The following FGFR2 variants were observed in gnomAD, a reference collection of about 807,000 sequenced individuals.
FGFR2 encodes fibroblast growth factor receptor 2.
A neutral mutation model predicts 95.9 loss-of-function variants in FGFR2; 19 were observed. That is an observed-to-expected ratio of 0.20 (90% CI 0.14 to 0.29). The LOEUF (loss-of-function observed/expected upper bound fraction) is 0.29. Among genes scored for constraint, FGFR2 ranks in the 10% least tolerant of loss-of-function variants. The probability of loss-of-function intolerance (pLI) is 1.00; values close to 1 mark genes in which losing one functional copy is unlikely to be tolerated. For missense variants in FGFR2, 707 were observed against 1,056.9 expected (o/e 0.67, Z 4.59); for synonymous variants, 392 against 393.3 (o/e 1.00, Z 0.04).
chr10:121,493,301 G>A (rs140906856), intron 13 of FGFR2, among the ~76,000 whole-genome samples: 4 of 152,234 alleles, frequency 2.6e-5, no homozygotes, highest in African/African-American at 7.2e-5. Context: ...GTTCTTCCAC[G>A]ATTAAATGGA....
intron 6 of FGFR2, among the ~76,000 whole-genome samples, chr10:121,535,516 A>G (rs1304532456): frequency 2.0e-5 from 3 of 152,210 alleles, no homozygotes; most frequent in Non-Finnish European, 4.4e-5. Context: ...GGAAAGTGCA[A>G]TGAGTCATCC....
intron 5 of FGFR2, among the ~76,000 whole-genome samples, chr10:121,545,817 T>A (rs1371928229): frequency 6.6e-6 from 1 of 152,234 alleles, no homozygotes; most frequent in Admixed American, 6.5e-5. Flanking sequence ...ACAAAAGTTT[T>A]AAAAATCATC....
Position 121,506,215 on chromosome 10 carries a change from G to A in FGFR2, c.1288-2274C>T, listed in dbSNP as rs1380259373. On this transcript the variant is annotated intron_variant, in intron 9 of 17. Transcript: ENST00000358487. ...CTACTAAAAATAAAAAAAATGAGTCGGTTGTGGTGGTAGGCGCCTGTAATC... is the reference window on the plus strand; with the variant it reads ...CTACTAAAAATAAAAAAAATGAGTCAGTTGTGGTGGTAGGCGCCTGTAATC... Among the ~76,000 whole-genome samples the A allele has an allele frequency of 5.3e-5, 8 of 152,008 alleles. No homozygotes were observed. In the South Asian group the frequency reaches 1.3e-3, roughly 24 times the overall value.
chr10:121,578,508 G>A (rs919611351), intron 2 of FGFR2, among the ~76,000 whole-genome samples: 2 of 152,240 alleles, frequency 1.3e-5, no homozygotes, highest in Non-Finnish European at 2.9e-5. Flanking sequence ...CCACCCAAAA[G>A]GTGTACGGAG....
chr10:121,515,287 G>A lies in FGFR2; in HGVS notation c.1117C>T (p.Pro373Ser), dbSNP rs1458741036. The A allele has an allele frequency of 3.7e-6, 6 of 1,613,984 alleles. No individual in the cohort carries two copies. In the African/African-American group the frequency reaches 8.0e-5, roughly 22 times the overall value. Residue 373 changes from proline (P) to serine (S), a missense_variant, in exon 9 of 18, where the codon CCA becomes TCA. Pro to Ser is a moderately conservative substitution (Grantham distance 74, BLOSUM62 -1). This residue lies in a region of FGFR2 where 194 missense variants were observed against 267.3 expected (regional missense o/e 0.73). Coordinates refer to ENST00000358487, the MANE Select transcript of FGFR2 (RefSeq NM_000141.5). ...PGREKEITAS[P>S]DYLEIAIYCI... ...TAAATGGCTATCTCCAGGTAGTCTG[G>A]GGAAGCTGTAATCTCCTTTTCTCTT... is the stretch of plus-strand genomic sequence containing the variant.
chr10:121,592,449 A>G (rs1029303497), intron 2 of FGFR2, among the ~76,000 whole-genome samples: 1 of 152,256 alleles, frequency 6.6e-6, no homozygotes, highest in East Asian at 1.9e-4. Context: ...ACACCTGTTA[A>G]TTATAGAGCT....
intron 6 of FGFR2, chr10:121,526,096 T>C (rs577528399): frequency 2.5e-6 from 1 of 398,366 alleles, no homozygotes; most frequent in South Asian, 1.3e-4. Context: ...CCCATTCATG[T>C]AAGGAGCGTG....
Position 121,518,065 on chromosome 10 carries a change from TGG to T in FGFR2, c.940-604_940-603del. On this transcript the variant is annotated intron_variant, in intron 7 of 17. Coordinates refer to ENST00000358487, the MANE Select transcript of FGFR2 (RefSeq NM_000141.5). This position sits in a 1 kb window ranked among gnomAD's most constrained non-coding sequence, Gnocchi z 4.0. ...GCATCATCTTGGTAACCAAAAAAACTGGGCTTTTTCTCTTTTCATTAATAAAC... is the reference window on the plus strand; with the variant it reads ...GCATCATCTTGGTAACCAAAAAAACTGCTTTTTCTCTTTTCATTAATAAAC... 2.0e-6 allele frequency: 1 copy of T among 498,598 alleles called. No homozygotes were observed. The highest frequency in any genetic ancestry group is 3.9e-6 in the Non-Finnish European group (1 of 254,682). The allele number at this position is 498,598 out of a possible 1,614,324, so 30.9% of individuals were successfully genotyped here. A position where few individuals can be genotyped will look rare whatever the true frequency, so the allele number is the denominator to read the frequency against.
intron 2 of FGFR2, chr10:121,583,484 C>G (rs530177074): frequency 6.6e-6 from 1 of 152,206 alleles, no homozygotes; most frequent in South Asian, 2.1e-4. Context: ...GCAGCCTGGA[C>G]CACCAACTGG....
At chr10:121,522,300 A>G (rs1165222476) in intron 6 of FGFR2, among the ~76,000 whole-genome samples, 3 of 152,220 alleles carry the variant, frequency 2.0e-5, no homozygotes, top group African/African-American at 7.2e-5. Context: ...GCCTTTGAGC[A>G]TAATCCCAGA....
chr10:121,545,562 T>C (rs999346602), intron 5 of FGFR2, among the ~76,000 whole-genome samples: 1 of 152,164 alleles, frequency 6.6e-6, no homozygotes, highest in East Asian at 1.9e-4. Context: ...AACATATACC[T>C]GTGTCCTCAT....
intron 4 of FGFR2, among the ~76,000 whole-genome samples, chr10:121,563,256 C>T (rs1300261720): frequency 6.6e-6 from 1 of 152,064 alleles, no homozygotes; most frequent in Admixed American, 6.6e-5. Context: ...CCCCTGTAGT[C>T]CTAGTTACTC....
intron 4 of FGFR2, among the ~76,000 whole-genome samples, chr10:121,555,638 G>A (rs182236228): frequency 6.6e-6 from 1 of 152,090 alleles, no homozygotes; most frequent in Non-Finnish European, 1.5e-5. Context: ...CCACAAGAAT[G>A]ATGTTCTCCT....
intron 6 of FGFR2, 182 bp downstream of exon 6, chr10:121,538,400 ACCCTGGCTGC>A (rs1233959665): frequency 7.8e-6 from 7 of 897,828 alleles, no homozygotes; most frequent in Admixed American, 1.7e-5. Context: ...AAGCTCATAA[ACCCTGGCTGC>A]CTGGAAAACA....
chr10:121,484,848 C>T (rs1845200831), intron 16 of FGFR2, among the ~76,000 whole-genome samples: 1 of 152,196 alleles, frequency 6.6e-6, no homozygotes, highest in Non-Finnish European at 1.5e-5. Context: ...CGAGTTCCTT[C>T]GCTCTGAGGA....
chr10:121,540,392 G>A (rs1196658280), intron 5 of FGFR2, among the ~76,000 whole-genome samples: 2 of 152,158 alleles, frequency 1.3e-5, no homozygotes, highest in African/African-American at 2.4e-5. Context: ...ACATGCTAGC[G>A]CGTCTCCCCT....
At chr10:121,513,891 GAAC>G (rs1849361361) in intron 9 of FGFR2, among the ~76,000 whole-genome samples, 1 of 152,144 alleles carries the variant, frequency 6.6e-6, no homozygotes, top group Non-Finnish European at 1.5e-5. Context: ...GCTGGGTTGT[GAAC>G]AACCAGACCC....
At chr10:121,550,081 C>G (rs1855141175) in intron 5 of FGFR2, among the ~76,000 whole-genome samples, 1 of 152,332 alleles carries the variant, frequency 6.6e-6, no homozygotes, top group Non-Finnish European at 1.5e-5. Context: ...TCCTTCCATA[C>G]TAAATAATTT....
At chr10:121,543,804 C>T (rs893844160) in intron 5 of FGFR2, among the ~76,000 whole-genome samples, 3 of 152,142 alleles carry the variant, frequency 2.0e-5, no homozygotes, top group Admixed American at 1.3e-4. Flanking sequence ...AAACTCTTCC[C>T]TCTGCTCGGT....
Sources: allele counts gnomAD v4.1 joint callset (sites outside exome capture counted in the v4.1 genomes callset), GRCh38; gene constraint gnomAD v4.1.1; regional missense constraint gnomAD v4.1.1; non-coding constraint Gnocchi (gnomAD v3.1); transcripts MANE v1.5; gene names NCBI Gene and HGNC (gene_info 2026-07-23, HGNC 2026-07-21).